SNX25: variants seen among roughly 807,000 people sequenced by gnomAD.
SNX25 encodes the protein sorting nexin 25.
In SNX25, 62 loss-of-function variants were observed where a neutral mutation model predicts 113.7. The observed-to-expected ratio is 0.55, with a 90% confidence interval of 0.44 to 0.67. The LOEUF (loss-of-function observed/expected upper bound fraction) is 0.67, where lower values mean the gene tolerates loss of function less well. Among genes scored for constraint, SNX25 ranks in the 30% least tolerant of loss-of-function variants. The pLI is 0.00. For synonymous variants in SNX25, 421 were observed against 436.2 expected (o/e 0.97, Z 0.43); for missense variants, 1,014 against 1,161.0 (o/e 0.87, Z 1.84).
At chr4:185,347,384 G>A (rs955440686) in intron 13 of SNX25, among the ~76,000 whole-genome samples, 8 of 151,956 alleles carry the variant, frequency 5.3e-5, no homozygotes, top group African/African-American at 4.8e-5. Context: ...TATCTTTTGC[G>A]TTTTTATTCT....
At chr4:185,374,209 G>T, downstream of SNX25, 1 of 1,614,122 alleles carries the variant, frequency 6.2e-7, no homozygotes, top group East Asian at 2.2e-5. Flanking sequence ...CTAGCTTTGG[G>T]ATTTCCATTG....
At chr4:185,329,901 G>A (rs1188602053) in intron 9 of SNX25, among the ~76,000 whole-genome samples, 2 of 152,006 alleles carry the variant, frequency 1.3e-5, no homozygotes, top group African/African-American at 4.8e-5. Flanking sequence ...GACAAGACTG[G>A]GTGGGTGGCC....
At chr4:185,325,675 A>G (rs148251756) in intron 9 of SNX25, among the ~76,000 whole-genome samples, 131 of 152,338 alleles carry the variant, frequency 8.6e-4, no homozygotes, top group African/African-American at 3.1e-3. Context: ...TTTGTTCTGC[A>G]GAAGGAATCT....
intron 7 of SNX25, among the ~76,000 whole-genome samples, chr4:185,318,077 C>G (rs1042726667): frequency 1.3e-5 from 2 of 152,130 alleles, no homozygotes; most frequent in Non-Finnish European, 2.9e-5. Flanking sequence ...CCCCTTCTGC[C>G]CACAAAACAG....
At chr4:185,336,192 C>T (rs775433632) in intron 10 of SNX25, among the ~76,000 whole-genome samples, 11 of 152,088 alleles carry the variant, frequency 7.2e-5, no homozygotes, top group Admixed American at 3.9e-4. Context: ...TATTTCAATA[C>T]GTTTTTAGGG....
chr4:185,364,144 A>AT (rs2095378419), downstream of SNX25: 1 of 152,212 alleles, frequency 6.6e-6, no homozygotes, highest in Admixed American at 6.5e-5. Context: ...AAAATATATG[A>AT]TTTTTAGTGA....
At chr4:185,269,292 G>A (rs1748579590) in intron 5 of SNX25, among the ~76,000 whole-genome samples, 1 of 152,130 alleles carries the variant, frequency 6.6e-6, no homozygotes, top group Admixed American at 6.5e-5. Context: ...TCTAGTTGTA[G>A]GGATGCTATT....
At chr4:185,369,355 T>G (rs2095406683) in intron 11 of SNX25, among the ~76,000 whole-genome samples, 1 of 149,578 alleles carries the variant, frequency 6.7e-6, no homozygotes, top group Non-Finnish European at 1.5e-5. Context: ...GTAGCTGGGT[T>G]TACAGGCACA....
intron 2 of SNX25, among the ~76,000 whole-genome samples, chr4:185,252,636 G>A (rs991367160): frequency 1.3e-5 from 2 of 152,082 alleles, no homozygotes; most frequent in African/African-American, 4.8e-5. Context: ...ACCACATAAG[G>A]CATGTGTGTG....
At chr4:185,303,658 CAAAAAA>C (rs34378168) in intron 6 of SNX25, among the ~76,000 whole-genome samples, 4 of 50,904 alleles carry the variant, frequency 7.9e-5, no homozygotes, top group African/African-American at 2.0e-4. Context: ...GACTCTGTCT[CAAAAAA>C]AAAAAAAAAA....
chr4:185,224,568 AGT>A (rs1190149687), intron 1 of SNX25, among the ~76,000 whole-genome samples: 3 of 116,238 alleles, frequency 2.6e-5, no homozygotes, highest in Admixed American at 1.0e-4. Context: ...AATATATATA[AGT>A]GTATATAAAT....
At chr4:185,256,785 G>A (rs571159553) in intron 2 of SNX25, among the ~76,000 whole-genome samples, 3 of 151,486 alleles carry the variant, frequency 2.0e-5, no homozygotes, top group South Asian at 2.1e-4. Context: ...CACCACACCC[G>A]GCTAATTTTT....
intron 2 of SNX25, among the ~76,000 whole-genome samples, chr4:185,249,664 ATT>A (rs35618190): frequency 7.7e-6 from 1 of 129,872 alleles, no homozygotes; most frequent in Non-Finnish European, 1.7e-5. Context: ...GATGATGATG[ATT>A]TTTTTCAAGT....
At chr4:185,353,374 A>T in intron 14 of SNX25, 111 bp from the exon 15 acceptor site, 1 of 759,942 alleles carries the variant, frequency 1.3e-6, no homozygotes, top group Non-Finnish European at 2.2e-6. Context: ...CTAAAGAATT[A>T]AGGCTAAAAT....
chr4:185,259,157 G>C (rs1746880926), intron 3 of SNX25, 93 bp downstream of exon 3: 1 of 1,035,240 alleles, frequency 9.7e-7, no homozygotes, highest in African/African-American at 1.6e-5. Flanking sequence ...AGAATATTCT[G>C]CCTATTGCTG....
intron 1 of SNX25, among the ~76,000 whole-genome samples, chr4:185,243,118 T>C (rs1016981844): frequency 6.6e-6 from 1 of 152,212 alleles, no homozygotes; most frequent in African/African-American, 2.4e-5. Flanking sequence ...GTAGGGGTTT[T>C]GCTTAAATAG....
At chr4:185,286,093 G>A (rs1751313462) in intron 5 of SNX25, among the ~76,000 whole-genome samples, 1 of 151,214 alleles carries the variant, frequency 6.6e-6, no homozygotes, top group Non-Finnish European at 1.5e-5. Flanking sequence ...CTGTTTTGGG[G>A]TTTGTTTTGT....
Position 185,310,954 on chromosome 4 carries a change from G to A in SNX25, c.1344+138G>A, listed in dbSNP as rs980935948. ...AACTACACACTGACATTTGCTCTAT[G>A]AGTCAAGGAGCTACATTCCTTGGTG... On this transcript the variant is annotated intron_variant, in intron 7 of 18. Transcript: ENST00000652585. 4 of 844,580 alleles carry A rather than the reference G, an allele frequency of 4.7e-6. No individual in the cohort carries two copies. In the African/African-American group the frequency reaches 5.2e-5, roughly 11 times the overall value. The allele number at this position is 844,580 out of a possible 1,614,324, so 52.3% of individuals were successfully genotyped here.
At chr4:185,247,174 G>T in intron 1 of SNX25, 120 bp from the exon 2 acceptor site, 1 of 645,250 alleles carries the variant, frequency 1.5e-6, no homozygotes, top group South Asian at 2.2e-5. Flanking sequence ...AAAAACTTCT[G>T]TTATTCGTTA....
Sources: gnomAD v4.1 joint callset for allele counts (sites outside exome capture counted in the v4.1 genomes callset) on GRCh38, gnomAD v4.1.1 for gene constraint, MANE v1.5 for transcripts, NCBI Gene and HGNC (gene_info 2026-07-23, HGNC 2026-07-21) for gene names.